The following SWT1 variants were observed in gnomAD, a reference collection of about 807,000 sequenced individuals.
The protein encoded by SWT1 is SWT1 RNA endoribonuclease homolog, also known as transcriptional protein SWT1.
A neutral mutation model predicts 107.3 loss-of-function variants in SWT1; 33 were observed. The observed-to-expected ratio is 0.31, with a 90% CI of 0.23 to 0.41. The LOEUF (loss-of-function observed/expected upper bound fraction) is 0.41. Ranked by LOEUF, SWT1 falls within the 10% of genes least tolerant of loss-of-function variation. The pLI, the probability that SWT1 is intolerant of heterozygous loss-of-function variation, is 1.00. For missense variants in SWT1, 898 were observed against 1,028.9 expected (o/e 0.87, Z 1.74); for synonymous variants, 345 against 348.3 (o/e 0.99, Z 0.11).
At chr1:185,180,602 C>G (rs745557804) in intron 6 of SWT1, 152 bp downstream of exon 6, 71 of 646,156 alleles carry the variant, frequency 1.1e-4, no homozygotes, top group Non-Finnish European at 1.6e-4. Flanking sequence ...ATGAAGTCAT[C>G]CAAAACTATT....
rs1232340642 is a variant in SWT1 at position 185,232,390 on chromosome 1, T to C, written c.2441+682T>C. ...TAAAAGCCATACTTGACAGTATATTTTCTACAGAAAGTAATAACTCAGCAG... is the reference window on the plus strand; with the variant it reads ...TAAAAGCCATACTTGACAGTATATTCTCTACAGAAAGTAATAACTCAGCAG... On this transcript the variant is annotated intron_variant, in intron 16 of 18. Transcript: ENST00000367500. 3.3e-5 allele frequency among the ~76,000 whole-genome samples: 5 copies of C among 152,214 alleles called. No individual in the cohort carries two copies. The East Asian group carries it at 9.6e-4, about 29-fold the overall frequency.
intron 15 of SWT1, among the ~76,000 whole-genome samples, chr1:185,230,578 G>A (rs1381424429): frequency 2.6e-5 from 4 of 152,126 alleles, no homozygotes; most frequent in African/African-American, 9.7e-5. Flanking sequence ...GGTTCTGGGT[G>A]AATATATGAA....
intron 9 of SWT1, among the ~76,000 whole-genome samples, chr1:185,185,789 A>G (rs893737666): frequency 6.6e-6 from 1 of 152,140 alleles, no homozygotes; most frequent in African/African-American, 2.4e-5. Flanking sequence ...GTTTAGTCTT[A>G]AAATTTTGAA....
intron 1 of SWT1, among the ~76,000 whole-genome samples, chr1:185,159,310 A>G (rs1653938822): frequency 6.6e-6 from 1 of 152,212 alleles, no homozygotes; most frequent in Non-Finnish European, 1.5e-5. Context: ...TTTGATTTGC[A>G]TAAAATCAAT....
chr1:185,264,297 G>A (rs1206733427), intron 16 of SWT1: 1 of 961,090 alleles, frequency 1.0e-6, no homozygotes, highest in Non-Finnish European at 1.2e-6. Context: ...TCCTATTGAT[G>A]TTTATTGTCA....
intron 10 of SWT1, among the ~76,000 whole-genome samples, chr1:185,192,573 T>C (rs900925277): frequency 2.6e-5 from 4 of 151,746 alleles, no homozygotes; most frequent in African/African-American, 9.7e-5. Flanking sequence ...AAATCTAAAC[T>C]ATACAATGTT....
At position 185,232,560 on chromosome 1, in the gene SWT1, T is replaced by C. The variant is rs186419668; in HGVS notation, c.2441+852T>C. On this transcript the variant is annotated intron_variant, in intron 16 of 18. Transcript: ENST00000367500. ...TCTTGCAATCAAAAGGTATTAGTAT[T>C]TTAATAGAGATATATATATGCAGTG... Among the ~76,000 whole-genome samples, 104 of 152,252 alleles carry C rather than the reference T, an allele frequency of 6.8e-4. No homozygotes were observed. The Middle Eastern group carries it at 0.01, about 15-fold the overall frequency.
At position 185,271,329 on chromosome 1, in the gene SWT1, G is replaced by A. The variant is rs78078442; in HGVS notation, c.2448G>A (p.Leu816=). The A allele has an allele frequency of 5.6e-5, 83 of 1,494,252 alleles. No individual in the cohort carries two copies. Among genetic ancestry groups the A allele is most frequent in the Non-Finnish European group, 7.1e-5 (76 of 1,074,158 alleles). The allele number at this position is 1,494,252 out of a possible 1,614,324, so 92.6% of individuals were successfully genotyped here. The change falls in exon 17 of 19, where the codon TTG becomes TTA. Residue 816 remains leucine, a synonymous_variant. Coordinates refer to ENST00000367500, the MANE Select transcript of SWT1 (RefSeq NM_017673.7). The part of the protein sequence containing the change: ...RDILEGIQRI[L]APNSNYQDVE... Reference sequence around the variant, plus strand: ...TTTTTATTTTATTTTTTAGGATTTTGGCCCCAAACAGTAATTATCAAGATG... The same window carrying A: ...TTTTTATTTTATTTTTTAGGATTTTAGCCCCAAACAGTAATTATCAAGATG...
At chr1:185,213,616 TACA>T (rs1211368384) in intron 13 of SWT1, among the ~76,000 whole-genome samples, 2 of 152,198 alleles carry the variant, frequency 1.3e-5, no homozygotes, top group African/African-American at 4.8e-5. Context: ...TATTTCAGAA[TACA>T]ATAGAGTCTC....
intron 15 of SWT1, 48 bp from the exon 16 acceptor site, chr1:185,231,529 T>G (rs1460791302): frequency 7.4e-7 from 1 of 1,360,442 alleles, no homozygotes; most frequent in Non-Finnish European, 1.0e-6. Context: ...TTGAATTACA[T>G]TAAATATGTA....
At chr1:185,216,194 T>C (rs1211990481) in intron 14 of SWT1, among the ~76,000 whole-genome samples, 1 of 152,178 alleles carries the variant, frequency 6.6e-6, no homozygotes. Flanking sequence ...AAAGAATTTA[T>C]TTAAGGGGTG....
intron 17 of SWT1, 134 bp downstream of exon 17, chr1:185,271,523 T>G: frequency 3.5e-6 from 2 of 570,046 alleles, no homozygotes; most frequent in Non-Finnish European, 6.3e-6. Flanking sequence ...TTGAATGCCA[T>G]AAAAGTTTGT....
At position 185,206,673 on chromosome 1, in the gene SWT1, T is replaced by C. The variant is rs868033330; in HGVS notation, c.1882T>C (p.Phe628Leu). Residue 628 changes from phenylalanine (F) to leucine (L), a missense_variant, in exon 13 of 19, where the codon TTT becomes CTT. This residue lies in a region of SWT1 where 382 missense variants were observed against 460.0 expected (regional missense o/e 0.83). Coordinates refer to ENST00000367500, the MANE Select transcript of SWT1 (RefSeq NM_017673.7). ...GACTCTACTACATTTACTACAGTGC[T>C]TTAAAAAACATTGGTTGGCTGTATT... ...PWTLLHLLQC[F>L]KKHWLAVFGL... 6.2e-7 allele frequency: 1 copy of C among 1,609,918 alleles called. No homozygotes were observed. The highest frequency in any genetic ancestry group is 8.5e-7 in the Non-Finnish European group (1 of 1,177,520).
At chr1:185,183,284 G>A (rs897737826) in intron 7 of SWT1, among the ~76,000 whole-genome samples, 1 of 151,962 alleles carries the variant, frequency 6.6e-6, no homozygotes, top group Non-Finnish European at 1.5e-5. Flanking sequence ...TTGTTTGTTT[G>A]TGGGTTTTTC....
At chr1:185,238,731 C>T (rs958047707) in intron 16 of SWT1, among the ~76,000 whole-genome samples, 1 of 151,370 alleles carries the variant, frequency 6.6e-6, no homozygotes, top group African/African-American at 2.4e-5. Flanking sequence ...TTTTTTTAAA[C>T]CGGGCAGATA....
intron 10 of SWT1, among the ~76,000 whole-genome samples, chr1:185,197,130 T>C (rs907101628): frequency 3.3e-4 from 50 of 151,418 alleles, no homozygotes; most frequent in African/African-American, 1.2e-3. Flanking sequence ...ACATTCCATC[T>C]CAAACTCGTT....
At chr1:185,271,451 A>G (rs966708350) in intron 17 of SWT1, 62 bp downstream of exon 17, 1 of 863,174 alleles carries the variant, frequency 1.2e-6, no homozygotes, top group Non-Finnish European at 1.9e-6. Context: ...TAATGTAAAT[A>G]AACAGAGTAG....
intron 1 of SWT1, among the ~76,000 whole-genome samples, chr1:185,158,268 G>GGT (rs913093754): frequency 5.3e-5 from 8 of 151,628 alleles, no homozygotes; most frequent in South Asian, 4.2e-4. Flanking sequence ...TATCTGGAGG[G>GGT]GTGTGTGTGT....
At chr1:185,204,251 T>C (rs1658124854) in intron 11 of SWT1, among the ~76,000 whole-genome samples, 1 of 151,486 alleles carries the variant, frequency 6.6e-6, no homozygotes, top group Admixed American at 6.6e-5. Flanking sequence ...GCATCCAGCC[T>C]GGGCAACAGA....
Sources: gnomAD v4.1 joint callset for allele counts (sites outside exome capture counted in the v4.1 genomes callset) on GRCh38, gnomAD v4.1.1 for gene constraint, gnomAD v4.1.1 regional missense constraint, MANE v1.5 for transcripts, NCBI Gene and HGNC (gene_info 2026-07-23, HGNC 2026-07-21) for gene names.